Variants in PCMTD1 observed in about 807,000 individuals in gnomAD.
The protein encoded by PCMTD1 is protein-L-isoaspartate (D-aspartate) O-methyltransferase domain containing 1.
PCMTD1 carries 12 observed loss-of-function variants against 37.6 expected under a neutral mutation model. The ratio of observed to expected loss-of-function variants is 0.32; its 90% CI spans 0.20 to 0.52. The LOEUF (loss-of-function observed/expected upper bound fraction) is 0.52, where lower values mean the gene tolerates loss of function less well. Among genes scored for constraint, PCMTD1 ranks in the 20% least tolerant of loss-of-function variants. PCMTD1 has a pLI of 0.97. For synonymous variants in PCMTD1, 117 were observed against 135.8 expected (o/e 0.86, Z 0.96); for missense variants, 235 against 421.3 (o/e 0.56, Z 3.87).
At chr8:51,840,532 A>G (rs2038132710) in intron 3 of PCMTD1, among the ~76,000 whole-genome samples, 2 of 152,146 alleles carry the variant, frequency 1.3e-5, no homozygotes, top group South Asian at 4.1e-4. Flanking sequence ...AAATGTTCAC[A>G]TATTTGAGAA....
chr8:51,831,170 C>A (rs1003019676), intron 5 of PCMTD1, among the ~76,000 whole-genome samples: 1 of 151,948 alleles, frequency 6.6e-6, no homozygotes, highest in African/African-American at 2.4e-5. Flanking sequence ...TGGCGGTGCA[C>A]ACCTGTAATC....
Position 51,827,132 on chromosome 8 carries a change from A to G in PCMTD1, c.706+4312T>C, listed in dbSNP as rs1269541878. The G allele has an allele frequency of 5.7e-6, 6 of 1,055,254 alleles. No individual in the cohort carries two copies. In the African/African-American group the frequency reaches 6.8e-5, roughly 12 times the overall value. 65.4% of individuals were successfully genotyped at this position (1,055,254 alleles called of 1,614,324 possible). A position where few individuals can be genotyped will look rare whatever the true frequency, so the allele number is the denominator to read the frequency against. On this transcript the variant is annotated intron_variant, in intron 5 of 5. Transcript: ENST00000522514. ...ACCCACAAAAACTTATTCTCCATAC[A>G]TCCTATTAAATTTTGGCAAATATCA...
At chr8:51,836,698 G>C (rs2038071839) in intron 3 of PCMTD1, among the ~76,000 whole-genome samples, 1 of 152,148 alleles carries the variant, frequency 6.6e-6, no homozygotes, top group Admixed American at 6.5e-5. Context: ...TAGAAATAAA[G>C]TTACAGAAAA....
intron 2 of PCMTD1, among the ~76,000 whole-genome samples, chr8:51,853,213 G>A (rs1563347333): frequency 6.6e-6 from 1 of 152,206 alleles, no homozygotes; most frequent in Non-Finnish European, 1.5e-5. Context: ...GGGTGTAGGA[G>A]GGTAGATGGA....
At chr8:51,857,146 A>G (rs1401773272) in intron 2 of PCMTD1, among the ~76,000 whole-genome samples, 1 of 152,248 alleles carries the variant, frequency 6.6e-6, no homozygotes, top group Non-Finnish European at 1.5e-5. Flanking sequence ...TCATGGCAGC[A>G]GATAGCTTAA....
intron 1 of PCMTD1, among the ~76,000 whole-genome samples, chr8:51,877,435 T>C (rs2038728661): frequency 6.6e-6 from 1 of 152,242 alleles, no homozygotes; most frequent in South Asian, 2.1e-4. Context: ...GCTATGACAA[T>C]GTTTGCTTGG....
chr8:51,822,850 T>C (rs970963407), intron 5 of PCMTD1, among the ~76,000 whole-genome samples: 1 of 152,156 alleles, frequency 6.6e-6, no homozygotes, highest in African/African-American at 2.4e-5. Flanking sequence ...TACCCTAAAG[T>C]TTTAGAAATT....
chr8:51,857,139 T>C (rs1416163074), intron 2 of PCMTD1, among the ~76,000 whole-genome samples: 1 of 152,220 alleles, frequency 6.6e-6, no homozygotes, highest in Non-Finnish European at 1.5e-5. Flanking sequence ...TCAAACATCA[T>C]GGCAGCAGAT....
At chr8:51,837,971 G>C (rs114014383) in intron 3 of PCMTD1, among the ~76,000 whole-genome samples, 8,083 of 152,052 alleles carry the variant, frequency 0.053, 224 homozygotes, top group African/African-American at 0.077. Context: ...GTAGAGATGG[G>C]GCTGTACTAG....
At chr8:51,840,137 ATG>A (rs1488245070) in intron 3 of PCMTD1, among the ~76,000 whole-genome samples, 1 of 152,206 alleles carries the variant, frequency 6.6e-6, no homozygotes, top group Admixed American at 6.5e-5. Flanking sequence ...ATTCCAAGCA[ATG>A]TGTTTCAAGT....
At chr8:51,883,115 C>T (rs1037244578) in intron 1 of PCMTD1, among the ~76,000 whole-genome samples, 5 of 151,266 alleles carry the variant, frequency 3.3e-5, no homozygotes, top group South Asian at 2.1e-4. Flanking sequence ...CCAGCCTGGG[C>T]GACACAGCGA....
chr8:51,866,256 A>C (rs993343953), intron 1 of PCMTD1, among the ~76,000 whole-genome samples: 3 of 152,048 alleles, frequency 2.0e-5, no homozygotes, highest in South Asian at 4.1e-4. Flanking sequence ...GATTCAACAT[A>C]ATCTGTATTA....
intron 1 of PCMTD1, among the ~76,000 whole-genome samples, chr8:51,867,980 T>C (rs1280126079): frequency 6.6e-6 from 1 of 152,188 alleles, no homozygotes; most frequent in East Asian, 1.9e-4. Context: ...CTGTAAATTG[T>C]AGATGTTTTC....
At chr8:51,895,054 CAA>C (rs747688604) in intron 1 of PCMTD1, among the ~76,000 whole-genome samples, 2 of 152,100 alleles carry the variant, frequency 1.3e-5, no homozygotes, top group African/African-American at 4.8e-5. Flanking sequence ...GAAGCCTGAG[CAA>C]AGAGGGTGAG....
At chr8:51,843,597 A>C (rs1170494669) in intron 3 of PCMTD1, among the ~76,000 whole-genome samples, 1 of 82,302 alleles carries the variant, frequency 1.2e-5, no homozygotes, top group Non-Finnish European at 4.2e-5. Flanking sequence ...TTTTACAATA[A>C]CAAAAAAAAA....
At chr8:51,859,892 T>C (rs2038446238) in intron 2 of PCMTD1, among the ~76,000 whole-genome samples, 1 of 123,038 alleles carries the variant, frequency 8.1e-6, no homozygotes, top group African/African-American at 2.5e-5. Context: ...TCAGACTAGA[T>C]GAAGGCTGTT....
intron 1 of PCMTD1, among the ~76,000 whole-genome samples, chr8:51,887,656 T>C (rs1395605620): frequency 6.6e-6 from 1 of 151,842 alleles, no homozygotes; most frequent in African/African-American, 2.4e-5. Context: ...ATGCAATCAT[T>C]TTCCTCGTTT....
intron 1 of PCMTD1, among the ~76,000 whole-genome samples, chr8:51,861,845 T>C (rs1455354499): frequency 6.6e-6 from 1 of 152,004 alleles, no homozygotes; most frequent in Non-Finnish European, 1.5e-5. Context: ...CCCAAGCAGC[T>C]AGGATTACAG....
chr8:51,861,327 A>T, intron 1 of PCMTD1, 81 bp from the exon 2 acceptor site: 1 of 966,004 alleles, frequency 1.0e-6, no homozygotes, highest in South Asian at 2.1e-5. Flanking sequence ...GTATGTCATT[A>T]TAATTAACTA....
Sources: allele counts gnomAD v4.1 joint callset (sites outside exome capture counted in the v4.1 genomes callset), GRCh38; gene constraint gnomAD v4.1.1; transcripts MANE v1.5; gene names NCBI Gene and HGNC (gene_info 2026-07-23, HGNC 2026-07-21).